Variants in TTC34 observed in about 807,000 individuals in gnomAD.
TTC34 encodes tetratricopeptide repeat protein 34.
A neutral mutation model predicts 40.7 loss-of-function variants in TTC34; 44 were observed. That is an observed-to-expected ratio of 1.08 (90% CI 0.85 to 1.39). TTC34 has a LOEUF of 1.39. TTC34 is among the 40% of genes most tolerant of loss of function. TTC34 has a pLI of 0.00. For missense variants in TTC34, 884 were observed against 838.0 expected (o/e 1.05, Z -0.68); for synonymous variants, 422 against 398.6 (o/e 1.06, Z -0.70).
At chr1:2,698,972 C>G (rs540533483) in intron 6 of TTC34, among the ~76,000 whole-genome samples, 1 of 145,796 alleles carries the variant, frequency 6.9e-6, no homozygotes, top group African/African-American at 2.5e-5. Context: ...ACCCTGCCCC[C>G]CCAGGTGAGC....
intron 6 of TTC34, among the ~76,000 whole-genome samples, chr1:2,756,669 C>A (rs1641516652): frequency 1.6e-4 from 24 of 149,248 alleles, no homozygotes; most frequent in Non-Finnish European, 2.2e-4. Context: ...ACCCACACCC[C>A]CAGGTGAGCA....
intron 8 of TTC34, among the ~76,000 whole-genome samples, chr1:2,643,193 C>T (rs747898622): frequency 6.6e-6 from 1 of 152,244 alleles, no homozygotes; most frequent in Non-Finnish European, 1.5e-5. Context: ...CGGCTCGGGC[C>T]GCGCAGGCGC....
intron 6 of TTC34, among the ~76,000 whole-genome samples, chr1:2,748,034 CTG>C (rs2100421407): frequency 3.3e-5 from 2 of 59,738 alleles, no homozygotes; most frequent in Non-Finnish European, 5.6e-5. Flanking sequence ...GAACAGCACC[CTG>C]CACACCCAGG....
At chr1:2,786,115 C>T (rs1040172844) in intron 4 of TTC34, 92 bp from the exon 5 acceptor site, 4 of 1,179,202 alleles carry the variant, frequency 3.4e-6, no homozygotes, top group Non-Finnish European at 4.5e-6. Flanking sequence ...CCCCACCCCA[C>T]CCTCACTGCC....
intron 4 of TTC34, among the ~76,000 whole-genome samples, chr1:2,786,691 C>T (rs564361578): frequency 1.1e-4 from 17 of 152,288 alleles, no homozygotes; most frequent in African/African-American, 3.4e-4. Flanking sequence ...CTTCAGACGA[C>T]GCGGAGCAAA....
chr1:2,694,656 G>C (rs202093657), intron 6 of TTC34, among the ~76,000 whole-genome samples: 1 of 83,592 alleles, frequency 1.2e-5, no homozygotes, highest in South Asian at 3.4e-4. Flanking sequence ...TGACGGCCTG[G>C]AACAGCACAC....
At chr1:2,651,695 G>A in intron 6 of TTC34, among the ~76,000 whole-genome samples, 1 of 151,812 alleles carries the variant, frequency 6.6e-6, no homozygotes, top group East Asian at 1.9e-4. Context: ...GTGAGCATCT[G>A]AAACCCTACA....
chr1:2,788,669 T>G (rs1247321374), intron 3 of TTC34, among the ~76,000 whole-genome samples: 2 of 152,108 alleles, frequency 1.3e-5, no homozygotes, highest in African/African-American at 4.8e-5. Context: ...CAGATTGTGG[T>G]GGGAGGAGGG....
At chr1:2,685,777 C>T (rs1331232312) in intron 6 of TTC34, among the ~76,000 whole-genome samples, 1 of 147,988 alleles carries the variant, frequency 6.8e-6, no homozygotes, top group Admixed American at 6.8e-5. Context: ...GAGCATCTGA[C>T]AGCCTGGAAC....
intron 7 of TTC34, among the ~76,000 whole-genome samples, chr1:2,644,936 A>T (rs1172628622): frequency 6.6e-6 from 1 of 152,116 alleles, no homozygotes; most frequent in African/African-American, 2.4e-5. Context: ...GGCTTCTGAC[A>T]GTTCCTCCTG....
chr1:2,790,552 G>C (rs1156841217), intron 2 of TTC34, among the ~76,000 whole-genome samples: 6 of 152,208 alleles, frequency 3.9e-5, no homozygotes, highest in Non-Finnish European at 8.8e-5. Flanking sequence ...CATGAGCGAC[G>C]GGGCAGGTTG....
At position 2,796,121 on chromosome 1, in the gene TTC34, A is replaced by T. The variant is rs1438282137; in HGVS notation, c.784+3923T>A. ...GCAGCATTCAAGGCGCCATCTTGGAATCCGAATCCCCAAGCCTGTTGGGGC... is the reference window on the plus strand; with the variant it reads ...GCAGCATTCAAGGCGCCATCTTGGATTCCGAATCCCCAAGCCTGTTGGGGC... On this transcript the variant is annotated intron_variant, in intron 2 of 8. Transcript: ENST00000401095. This position sits in a 1 kb window ranked among gnomAD's most constrained non-coding sequence, Gnocchi z 4.5. Among the ~76,000 whole-genome samples the T allele has an allele frequency of 6.6e-6, 1 of 152,152 alleles. No individual in the cohort carries two copies. Among genetic ancestry groups the T allele is most frequent in the Non-Finnish European group, 1.5e-5 (1 of 68,030 alleles).
intron 6 of TTC34, among the ~76,000 whole-genome samples, chr1:2,753,343 C>T (rs1440498774): frequency 8.6e-4 from 24 of 28,020 alleles, no homozygotes; most frequent in East Asian, 1.6e-3. Flanking sequence ...CACCCCCAGA[C>T]GAGCATCTGA....
chr1:2,688,227 C>T (rs1398010463), intron 6 of TTC34, among the ~76,000 whole-genome samples: 1 of 135,186 alleles, frequency 7.4e-6, no homozygotes, highest in Non-Finnish European at 1.5e-5. Flanking sequence ...GAGCATCCGA[C>T]AGCCTGGAGC....
At chr1:2,699,491 C>A (rs565861208) in intron 6 of TTC34, among the ~76,000 whole-genome samples, 1 of 131,368 alleles carries the variant, frequency 7.6e-6, no homozygotes, top group South Asian at 2.4e-4. Context: ...GCAGCACCCA[C>A]ACACCCAGGC....
At chr1:2,676,974 G>A (rs1343207689) in intron 6 of TTC34, among the ~76,000 whole-genome samples, 2 of 141,454 alleles carry the variant, frequency 1.4e-5, no homozygotes, top group African/African-American at 2.7e-5. Flanking sequence ...TGCACCCCCA[G>A]GTGAGCATCC....
chr1:2,686,271 G>A (rs563420815), intron 6 of TTC34, among the ~76,000 whole-genome samples: 5 of 146,156 alleles, frequency 3.4e-5, no homozygotes, highest in Admixed American at 2.0e-4. Context: ...GCGTGGAGGA[G>A]CACCCACACC....
At chr1:2,685,293 C>G (rs1281170242) in intron 6 of TTC34, among the ~76,000 whole-genome samples, 4 of 101,824 alleles carry the variant, frequency 3.9e-5, no homozygotes, top group Non-Finnish European at 5.7e-5. Context: ...AGGTGAGCAT[C>G]CCACAGCCTG....
At chr1:2,749,017 T>C (rs1414249781) in intron 6 of TTC34, among the ~76,000 whole-genome samples, 2,576 of 36,432 alleles carry the variant, frequency 0.071, 3 homozygotes, top group African/African-American at 0.15. Flanking sequence ...GGTGAGCATC[T>C]GACAGCCTGG....
Sources: allele counts gnomAD v4.1 joint callset (sites outside exome capture counted in the v4.1 genomes callset), GRCh38; gene constraint gnomAD v4.1.1; non-coding constraint Gnocchi (gnomAD v3.1); transcripts MANE v1.5; gene names NCBI Gene and HGNC (gene_info 2026-07-23, HGNC 2026-07-21).